THADA: variants seen among roughly 807,000 people sequenced by gnomAD.
THADA encodes THADA armadillo repeat containing.
In THADA, 213 loss-of-function variants were observed where a neutral mutation model predicts 219.8. That is an observed-to-expected ratio of 0.97 (90% CI 0.87 to 1.09). The LOEUF (loss-of-function observed/expected upper bound fraction) is 1.09. Among genes scored for constraint, THADA ranks in the 50% least tolerant of loss-of-function variants. The probability of loss-of-function intolerance (pLI) is 0.00; values close to 1 mark genes in which losing one functional copy is unlikely to be tolerated. For synonymous variants in THADA, 1,018 were observed against 828.9 expected, an observed-to-expected ratio of 1.23 and a Z score of -3.92; for missense variants, 2,956 against 2,311.3, an observed-to-expected ratio of 1.28 and a Z score of -5.72.
At chr2:43,396,223 C>A (rs971590306) in intron 29 of THADA, among the ~76,000 whole-genome samples, 46 of 152,180 alleles carry the variant, frequency 3.0e-4, no homozygotes, top group African/African-American at 1.0e-3. Flanking sequence ...CCACTGGGAG[C>A]CTTTATGTTG....
chr2:43,361,855 C>T (rs769107431), intron 29 of THADA, among the ~76,000 whole-genome samples: 1 of 152,142 alleles, frequency 6.6e-6, no homozygotes, highest in African/African-American at 2.4e-5. Context: ...ATAAGTTGTA[C>T]CACTCAGTGT....
chr2:43,487,833 C>G (rs540090067), intron 25 of THADA, among the ~76,000 whole-genome samples: 1 of 152,118 alleles, frequency 6.6e-6, no homozygotes, highest in South Asian at 2.1e-4. Flanking sequence ...GACTTTCCAG[C>G]CTCCAAACTG....
intron 21 of THADA, among the ~76,000 whole-genome samples, chr2:43,529,962 G>C (rs929695642): frequency 1.3e-5 from 2 of 152,052 alleles, no homozygotes; most frequent in African/African-American, 2.4e-5. Flanking sequence ...CTCAGAACAG[G>C]CCCAGAACCT....
intron 36 of THADA, among the ~76,000 whole-genome samples, chr2:43,261,138 A>C (rs1480942466): frequency 6.6e-6 from 1 of 151,192 alleles, no homozygotes; most frequent in African/African-American, 2.4e-5. Flanking sequence ...TTTTGTCTTA[A>C]ATTTGTTTGC....
intron 24 of THADA, among the ~76,000 whole-genome samples, chr2:43,500,652 T>C (rs951866225): frequency 6.6e-6 from 1 of 152,202 alleles, no homozygotes; most frequent in African/African-American, 2.4e-5. Context: ...TTGCAGCAGA[T>C]TGATCAGAAA....
chr2:43,376,695 C>G (rs893643508), intron 29 of THADA, among the ~76,000 whole-genome samples: 1 of 152,128 alleles, frequency 6.6e-6, no homozygotes, highest in Non-Finnish European at 1.5e-5. Context: ...GCTCTGGCAA[C>G]CTAGATACAT....
At chr2:43,281,519 G>A (rs1487058941) in intron 35 of THADA, among the ~76,000 whole-genome samples, 2 of 143,570 alleles carry the variant, frequency 1.4e-5, no homozygotes, top group South Asian at 2.2e-4. Context: ...TTGGCTCACC[G>A]CAACCTCCAC....
At chr2:43,457,199 G>C (rs1683121246) in intron 26 of THADA, among the ~76,000 whole-genome samples, 1 of 147,696 alleles carries the variant, frequency 6.8e-6, no homozygotes, top group South Asian at 2.2e-4. Context: ...CAGTGAGTGA[G>C]GTGATTAAAG....
chr2:43,358,849 C>T (rs1257066816), intron 29 of THADA, among the ~76,000 whole-genome samples: 3 of 152,080 alleles, frequency 2.0e-5, no homozygotes, highest in Admixed American at 6.5e-5. Flanking sequence ...TCCCCTCTTT[C>T]GGTTGCAGCT....
At chr2:43,542,907 T>G (rs1403995842) in intron 20 of THADA, among the ~76,000 whole-genome samples, 1 of 152,134 alleles carries the variant, frequency 6.6e-6, no homozygotes, top group Non-Finnish European at 1.5e-5. Flanking sequence ...AGGGTACATG[T>G]GCACAATGTG....
At chr2:43,574,270 T>C in intron 11 of THADA, 66 bp downstream of exon 11, 2 of 1,082,938 alleles carry the variant, frequency 1.8e-6, no homozygotes, top group Non-Finnish European at 2.6e-6. Flanking sequence ...GATTAGTATC[T>C]GCATAGCTAC....
At chr2:43,537,802 C>T (rs1694793953) in intron 21 of THADA, among the ~76,000 whole-genome samples, 3 of 151,804 alleles carry the variant, frequency 2.0e-5, no homozygotes, top group Non-Finnish European at 2.9e-5. Context: ...CCCGTCTCTA[C>T]AAAAATTAGC....
intron 27 of THADA, 24 bp from the exon 28 acceptor site, chr2:43,428,255 G>A: frequency 1.3e-6 from 2 of 1,568,970 alleles, no homozygotes; most frequent in East Asian, 2.3e-5. Flanking sequence ...TATTACACAT[G>A]AAAGATTTCA....
intron 16 of THADA, among the ~76,000 whole-genome samples, chr2:43,558,657 A>G (rs963712154): frequency 3.9e-5 from 6 of 152,196 alleles, no homozygotes; most frequent in Admixed American, 6.5e-5. Flanking sequence ...CAAGTTCTTC[A>G]GCTTTAGCTT....
chr2:43,484,768 A>T (rs753702836), intron 26 of THADA, among the ~76,000 whole-genome samples: 20 of 152,248 alleles, frequency 1.3e-4, no homozygotes, highest in Admixed American at 7.8e-4. Context: ...TAACACATAT[A>T]GGTGCTCCTC....
chr2:43,461,693 T>C (rs1005263359), intron 26 of THADA, among the ~76,000 whole-genome samples: 1 of 152,220 alleles, frequency 6.6e-6, no homozygotes, highest in Non-Finnish European at 1.5e-5. Flanking sequence ...GAGTTGTCCC[T>C]TGTGCATCGT....
At chr2:43,302,030 C>T (rs1042256655) in intron 31 of THADA, among the ~76,000 whole-genome samples, 2 of 149,934 alleles carry the variant, frequency 1.3e-5, no homozygotes, top group African/African-American at 5.0e-5. Context: ...AATTTTTAAA[C>T]CTTCTTTGCC....
intron 28 of THADA, among the ~76,000 whole-genome samples, chr2:43,416,256 G>C (rs1472985890): frequency 6.6e-6 from 1 of 152,134 alleles, no homozygotes; most frequent in African/African-American, 2.4e-5. Flanking sequence ...CCACTGCTTT[G>C]TAAATTCTTT....
At position 43,574,842 on chromosome 2, in the gene THADA, C is replaced by G; in HGVS notation, c.1223G>C (p.Arg408Thr). The G allele has an allele frequency of 6.2e-7, 1 of 1,613,990 alleles. No homozygotes were observed. Among genetic ancestry groups the G allele is most frequent in the Non-Finnish European group, 8.5e-7 (1 of 1,179,892 alleles). ...THWEHPLDALRHQTKIMFKNL... is the reference protein window; with the variant it reads ...THWEHPLDALTHQTKIMFKNL... ...TTTGAACATGATTTTGGTTTGGTGT[C>G]TCAGAGCATCCAATGGATGTTCCCA... The change falls in exon 11 of 38, where the codon AGA becomes ACA. Residue 408 changes from arginine (R) to threonine (T), a missense_variant. Physicochemically the swap from Arg to Thr is moderately conservative, Grantham distance 71 (BLOSUM62 -1). Transcript: ENST00000405975.
Sources: allele counts gnomAD v4.1 joint callset (sites outside exome capture counted in the v4.1 genomes callset), GRCh38; gene constraint gnomAD v4.1.1; transcripts MANE v1.5; gene names NCBI Gene and HGNC (gene_info 2026-07-23, HGNC 2026-07-21).